RAB10: variants seen among roughly 807,000 people sequenced by gnomAD.
RAB10 encodes RAB10, member RAS oncogene family.
In RAB10, 5 loss-of-function variants were observed where a neutral mutation model predicts 25.7. The ratio of observed to expected loss-of-function variants is 0.19; its 90% CI spans 0.10 to 0.41. RAB10 has a LOEUF of 0.41. RAB10 is among the 10% of genes least tolerant of loss of function. RAB10 has a pLI of 1.00. For synonymous variants in RAB10, 89 were observed against 86.4 expected, an observed-to-expected ratio of 1.03 and a Z score of -0.16; for missense variants, 103 against 245.8, an observed-to-expected ratio of 0.42 and a Z score of 3.89.
intron 1 of RAB10, among the ~76,000 whole-genome samples, chr2:26,044,290 A>T (rs1665949763): frequency 6.6e-6 from 1 of 152,212 alleles, no homozygotes. Flanking sequence ...GGTGTTAGCT[A>T]CTGTTAACCA....
chr2:26,071,194 G>A (rs184219472), intron 1 of RAB10, among the ~76,000 whole-genome samples: 2 of 152,256 alleles, frequency 1.3e-5, no homozygotes, highest in African/African-American at 4.8e-5. Flanking sequence ...CTTCTGCCTC[G>A]TTTTGAGACA....
At position 26,135,543 on chromosome 2, in the gene RAB10, A is replaced by G. The variant is rs1238902439; in HGVS notation, c.*522A>G. 1.3e-5 allele frequency: 2 copies of G among 152,712 alleles called. No homozygotes were observed. Among genetic ancestry groups the G allele is most frequent in the African/African-American group, 4.8e-5 (2 of 41,472 alleles). 9.5% of individuals were successfully genotyped at this position (152,712 alleles called of 1,614,324 possible). On this transcript the variant is annotated 3_prime_UTR_variant, in exon 6 of 6. Transcript: ENST00000264710. The stretch of plus-strand genomic sequence containing the variant: ...AATTTTGTCCTGTGCCTTATGTGGA[A>G]AGGAACTTCTTTGGTTTTCCTTTTT...
At chr2:26,063,508 G>T (rs1185842494) in intron 1 of RAB10, among the ~76,000 whole-genome samples, 1 of 151,946 alleles carries the variant, frequency 6.6e-6, no homozygotes, top group South Asian at 2.1e-4. Context: ...AAATACTTTA[G>T]CATGTACCTC....
At chr2:26,073,032 C>T (rs995686166) in intron 1 of RAB10, among the ~76,000 whole-genome samples, 2 of 152,072 alleles carry the variant, frequency 1.3e-5, no homozygotes, top group African/African-American at 4.8e-5. Flanking sequence ...TTCATTGCTT[C>T]TATGTAATAG....
At chr2:26,086,284 C>G (rs1478742742) in intron 1 of RAB10, among the ~76,000 whole-genome samples, 2 of 152,176 alleles carry the variant, frequency 1.3e-5, no homozygotes, top group Non-Finnish European at 2.9e-5. Context: ...GAAACTCTGT[C>G]TCATAAAAAA....
In RAB10 at chr2:26,127,976, C is replaced by T. The variant is rs145263164; in HGVS notation, c.519+25C>T. The T allele has an allele frequency of 2.0e-3, 2,941 of 1,496,670 alleles. 10 individuals are homozygous for T. The highest frequency in any genetic ancestry group is 0.013 in the Middle Eastern group (77 of 5,830). The allele number at this position is 1,496,670 out of a possible 1,614,324, so 92.7% of individuals were successfully genotyped here. On this transcript the variant is annotated intron_variant, in intron 5 of 5. Transcript: ENST00000264710. Reference sequence around the variant, plus strand: ...GGTAAGTTCCTGTTTTTATATCCTGCCAGGTACCTGAGTATCTCTGTTGAA... The same window carrying T: ...GGTAAGTTCCTGTTTTTATATCCTGTCAGGTACCTGAGTATCTCTGTTGAA...
At chr2:26,033,807 G>A (rs1342062243), upstream of RAB10, among the ~76,000 whole-genome samples, 1 of 152,138 alleles carries the variant, frequency 6.6e-6, no homozygotes, top group African/African-American at 2.4e-5. Context: ...GGGTCGGAGG[G>A]GGGGCGCTGC....
chr2:26,079,800 G>C (rs1216654554), intron 1 of RAB10, among the ~76,000 whole-genome samples: 1 of 152,002 alleles, frequency 6.6e-6, no homozygotes, highest in Admixed American at 6.6e-5. Context: ...CTAGTAGCTG[G>C]GACTACAGGC....
chr2:26,082,030 A>AT (rs1161074438), intron 1 of RAB10, among the ~76,000 whole-genome samples: 1 of 152,186 alleles, frequency 6.6e-6, no homozygotes, highest in Non-Finnish European at 1.5e-5. Context: ...AATGGTAAAA[A>AT]TGTGTGGAAA....
At chr2:26,095,648 C>T (rs372696388) in intron 1 of RAB10, among the ~76,000 whole-genome samples, 6 of 151,670 alleles carry the variant, frequency 4.0e-5, no homozygotes, top group East Asian at 1.9e-4. Context: ...CAGTGGCTCA[C>T]GCCCGTAATC....
At chr2:26,130,206 C>T (rs1201431840) in intron 5 of RAB10, among the ~76,000 whole-genome samples, 2 of 151,908 alleles carry the variant, frequency 1.3e-5, no homozygotes, top group Admixed American at 1.3e-4. Flanking sequence ...AAGGTGAAAC[C>T]CATTAGAATT....
At chr2:26,114,220 C>T (rs1045580400) in intron 3 of RAB10, among the ~76,000 whole-genome samples, 4 of 152,050 alleles carry the variant, frequency 2.6e-5, no homozygotes, top group Admixed American at 1.3e-4. Flanking sequence ...AATTCCCCCC[C>T]GTAGAAATTG....
At chr2:26,110,338 C>CA (rs11403502) in intron 3 of RAB10, among the ~76,000 whole-genome samples, 94,080 of 123,600 alleles carry the variant, frequency 0.76, 35,018 homozygotes, top group East Asian at 0.86. Context: ...ACTCCGTCTC[C>CA]AAAAAAAAAA....
chr2:26,099,763 C>G (rs1033897057), intron 2 of RAB10, among the ~76,000 whole-genome samples: 1 of 151,922 alleles, frequency 6.6e-6, no homozygotes, highest in Non-Finnish European at 1.5e-5. Context: ...AGGATGGTCT[C>G]GATCTCCTGA....
intron 1 of RAB10, among the ~76,000 whole-genome samples, chr2:26,095,389 C>T (rs1293380341): frequency 4.6e-5 from 7 of 152,190 alleles, no homozygotes; most frequent in East Asian, 1.9e-4. Flanking sequence ...GGGCGGATCA[C>T]GAGATCAGGA....
chr2:26,056,354 A>C (rs940550210), intron 1 of RAB10, among the ~76,000 whole-genome samples: 1 of 151,942 alleles, frequency 6.6e-6, no homozygotes, highest in Admixed American at 6.6e-5. Context: ...GCGTGCCATC[A>C]CACCCGGCTA....
intron 1 of RAB10, among the ~76,000 whole-genome samples, chr2:26,096,031 T>C (rs1055377367): frequency 1.4e-4 from 21 of 152,224 alleles, no homozygotes; most frequent in African/African-American, 5.1e-4. Flanking sequence ...TTATTTCTGG[T>C]GTACAGCAAT....
intron 1 of RAB10, among the ~76,000 whole-genome samples, chr2:26,045,112 A>G (rs1665969754): frequency 1.3e-5 from 2 of 152,012 alleles, no homozygotes; most frequent in South Asian, 4.1e-4. Flanking sequence ...AGAAGAGCCG[A>G]TGATGTTTCT....
intron 1 of RAB10, among the ~76,000 whole-genome samples, chr2:26,080,671 G>GTGTTT (rs1268702003): frequency 4.6e-5 from 7 of 152,042 alleles, no homozygotes; most frequent in East Asian, 1.9e-4. Context: ...CACCTGGCTA[G>GTGTTT]TGTTTTGTTT....
Sources: allele counts gnomAD v4.1 joint callset (sites outside exome capture counted in the v4.1 genomes callset), GRCh38; gene constraint gnomAD v4.1.1; transcripts MANE v1.5; gene names NCBI Gene and HGNC (gene_info 2026-07-23, HGNC 2026-07-21).